The following ST6GALNAC3 variants were observed in gnomAD, a reference collection of about 807,000 sequenced individuals.
ST6GALNAC3 encodes ST6 N-acetylgalactosaminide alpha-2,6-sialyltransferase 3.
Under a neutral mutation model 32.7 loss-of-function variants are expected in ST6GALNAC3, and 25 were observed. That is an observed-to-expected ratio of 0.76 (90% CI 0.56 to 1.07). The LOEUF is 1.07. Ranked by LOEUF, ST6GALNAC3 falls within the 50% of genes least tolerant of loss-of-function variation. ST6GALNAC3 has a pLI of 0.00. For synonymous variants in ST6GALNAC3, 129 were observed against 133.1 expected (o/e 0.97, Z 0.21); for missense variants, 355 against 382.4 (o/e 0.93, Z 0.60).
intron 1 of ST6GALNAC3, among the ~76,000 whole-genome samples, chr1:76,125,513 A>G (rs1416568086): frequency 6.6e-6 from 1 of 151,810 alleles, no homozygotes; most frequent in Non-Finnish European, 1.5e-5. Context: ...CTGGTTTGGG[A>G]CTCAGATTCA....
intron 3 of ST6GALNAC3, chr1:76,412,998 A>G: frequency 2.8e-6 from 1 of 358,638 alleles, no homozygotes; most frequent in South Asian, 2.3e-5. Context: ...ATTTTAAAGA[A>G]ATGAGGTATA....
intron 2 of ST6GALNAC3, among the ~76,000 whole-genome samples, chr1:76,379,084 G>A (rs1651497403): frequency 6.6e-6 from 1 of 152,206 alleles, no homozygotes; most frequent in Admixed American, 6.5e-5. Context: ...TTTTTGTAAA[G>A]ATGGGGCTTC....
At chr1:76,400,742 CTGGGCATGGTGG>C (rs1393390600) in intron 2 of ST6GALNAC3, among the ~76,000 whole-genome samples, 1 of 151,916 alleles carries the variant, frequency 6.6e-6, no homozygotes, top group Non-Finnish European at 1.5e-5. Context: ...CAAAAATTAG[CTGGGCATGGTGG>C]TGGGCACCTA....
intron 3 of ST6GALNAC3, among the ~76,000 whole-genome samples, chr1:76,599,639 T>A (rs1419164970): frequency 6.6e-6 from 1 of 152,084 alleles, no homozygotes; most frequent in African/African-American, 2.4e-5. Context: ...TCAATCTAGA[T>A]GGATGAAATA....
At chr1:76,201,816 G>A (rs978873754) in intron 1 of ST6GALNAC3, among the ~76,000 whole-genome samples, 1 of 152,112 alleles carries the variant, frequency 6.6e-6, no homozygotes, top group African/African-American at 2.4e-5. Context: ...GATTGTAACA[G>A]AAAGACATAC....
At chr1:76,095,065 A>G (rs924644668) in intron 1 of ST6GALNAC3, among the ~76,000 whole-genome samples, 16 of 152,134 alleles carry the variant, frequency 1.1e-4, no homozygotes, top group African/African-American at 3.6e-4. Flanking sequence ...GTCATTATTA[A>G]TACATGAAAT....
At chr1:76,185,550 A>G (rs1035031003) in intron 1 of ST6GALNAC3, among the ~76,000 whole-genome samples, 1 of 152,028 alleles carries the variant, frequency 6.6e-6, no homozygotes, top group Non-Finnish European at 1.5e-5. Flanking sequence ...TCTGTGCCTC[A>G]CTCTGAATTT....
chr1:76,225,436 T>C (rs1489624749), intron 1 of ST6GALNAC3, among the ~76,000 whole-genome samples: 3 of 152,084 alleles, frequency 2.0e-5, no homozygotes, highest in Admixed American at 6.6e-5. Context: ...AGAATAGCCA[T>C]TAATGAAGAT....
At chr1:76,271,999 G>A (rs951674080) in intron 1 of ST6GALNAC3, among the ~76,000 whole-genome samples, 2 of 152,032 alleles carry the variant, frequency 1.3e-5, no homozygotes, top group Non-Finnish European at 2.9e-5. Context: ...TGACAATAGA[G>A]GCTCTTAGAA....
At chr1:76,479,949 A>C (rs1225369039) in intron 3 of ST6GALNAC3, among the ~76,000 whole-genome samples, 1 of 152,220 alleles carries the variant, frequency 6.6e-6, no homozygotes, top group Non-Finnish European at 1.5e-5. Flanking sequence ...TCTTTAAAAA[A>C]TATGTACATT....
chr1:76,278,747 A>T (rs889052754), intron 1 of ST6GALNAC3, among the ~76,000 whole-genome samples: 5 of 152,120 alleles, frequency 3.3e-5, no homozygotes, highest in African/African-American at 1.2e-4. Context: ...CAACGTTCGA[A>T]GTTAGGTGTT....
chr1:76,135,828 A>T (rs1216130756), intron 1 of ST6GALNAC3, among the ~76,000 whole-genome samples: 1 of 151,974 alleles, frequency 6.6e-6, no homozygotes, highest in Admixed American at 6.6e-5. Flanking sequence ...GCTCTCCTAT[A>T]CTCTTAGGTG....
intron 3 of ST6GALNAC3, among the ~76,000 whole-genome samples, chr1:76,514,545 C>G (rs1662059667): frequency 6.6e-6 from 1 of 152,050 alleles, no homozygotes; most frequent in African/African-American, 2.4e-5. Context: ...TGGACTGGTT[C>G]TTGCAGAAAT....
At chr1:76,324,070 A>G (rs911086729) in intron 2 of ST6GALNAC3, among the ~76,000 whole-genome samples, 17 of 151,992 alleles carry the variant, frequency 1.1e-4, no homozygotes, top group Admixed American at 1.1e-3. Context: ...ATGTTGCCCA[A>G]GGTGGTCTCG....
rs527927303 is a variant in ST6GALNAC3 at position 76,190,471 on chromosome 1, A to G, written c.18+115587A>G. Among the ~76,000 whole-genome samples the G allele has an allele frequency of 1.3e-4, 20 of 152,364 alleles. No homozygotes were observed. In the East Asian group the frequency reaches 3.1e-3, roughly 23 times the overall value. On this transcript the variant is annotated intron_variant, in intron 1 of 4. Transcript: ENST00000328299. The stretch of plus-strand genomic sequence containing the variant: ...TAAAACAAGACAAGTCAAGTAAAAC[A>G]AAACATTAGCAAATAAAACCCATAA...
chr1:76,081,732 T>C (rs1316661756), intron 1 of ST6GALNAC3, among the ~76,000 whole-genome samples: 1 of 152,130 alleles, frequency 6.6e-6, no homozygotes, highest in Middle Eastern at 3.2e-3. Context: ...AGAGTTGGAT[T>C]TACCCTGAAC....
chr1:76,464,953 G>A (rs1658526982), intron 3 of ST6GALNAC3, among the ~76,000 whole-genome samples: 1 of 152,174 alleles, frequency 6.6e-6, no homozygotes, highest in Non-Finnish European at 1.5e-5. Flanking sequence ...CAAAAGTCAT[G>A]TTTGGCATCA....
intron 1 of ST6GALNAC3, among the ~76,000 whole-genome samples, chr1:76,309,772 C>A (rs180770940): frequency 6.6e-6 from 1 of 152,208 alleles, no homozygotes; most frequent in African/African-American, 2.4e-5. Context: ...CTGCAGAATA[C>A]CACTCCCAGT....
intron 3 of ST6GALNAC3, among the ~76,000 whole-genome samples, chr1:76,446,263 A>T (rs1464671683): frequency 6.6e-6 from 1 of 152,144 alleles, no homozygotes; most frequent in Non-Finnish European, 1.5e-5. Context: ...CCACATGCAT[A>T]GCCTCCCCCA....
Sources: allele counts gnomAD v4.1 joint callset (sites outside exome capture counted in the v4.1 genomes callset), GRCh38; gene constraint gnomAD v4.1.1; transcripts MANE v1.5; gene names NCBI Gene and HGNC (gene_info 2026-07-23, HGNC 2026-07-21).